The following PIP5K1B variants were observed in gnomAD, a reference collection of about 807,000 sequenced individuals.
PIP5K1B encodes phosphatidylinositol 4-phosphate 5-kinase type-1 beta.
PIP5K1B carries 42 observed loss-of-function variants against 67.0 expected under a neutral mutation model. The ratio of observed to expected loss-of-function variants is 0.63; its 90% confidence interval spans 0.49 to 0.81. PIP5K1B has a LOEUF of 0.81. Among genes scored for constraint, PIP5K1B ranks in the 30% least tolerant of loss-of-function variants. The probability of loss-of-function intolerance (pLI) is 0.00; values close to 1 mark genes in which losing one functional copy is unlikely to be tolerated. For synonymous variants in PIP5K1B, 214 were observed against 231.4 expected, an observed-to-expected ratio of 0.92 and a Z score of 0.68; for missense variants, 459 against 646.3, an observed-to-expected ratio of 0.71 and a Z score of 3.14.
chr9:68,904,171 T>C (rs968793459), intron 8 of PIP5K1B, among the ~76,000 whole-genome samples: 2 of 152,238 alleles, frequency 1.3e-5, no homozygotes, highest in African/African-American at 2.4e-5. Flanking sequence ...TCTCTCTGAC[T>C]CCAAACCCAT....
At chr9:68,772,916 T>G (rs1315292953) in intron 2 of PIP5K1B, among the ~76,000 whole-genome samples, 1 of 152,190 alleles carries the variant, frequency 6.6e-6, no homozygotes, top group African/African-American at 2.4e-5. Flanking sequence ...GGCCCTTTAC[T>G]GTTTGCAAGG....
intron 1 of PIP5K1B, among the ~76,000 whole-genome samples, chr9:68,728,486 T>A (rs1828257884): frequency 6.6e-6 from 1 of 152,006 alleles, no homozygotes; most frequent in Non-Finnish European, 1.5e-5. Context: ...GATTCCAATA[T>A]ATGAATTTAT....
intron 8 of PIP5K1B, among the ~76,000 whole-genome samples, chr9:68,909,229 A>G (rs1184553424): frequency 1.3e-5 from 2 of 152,210 alleles, no homozygotes; most frequent in African/African-American, 4.8e-5. Context: ...AAATATTGTA[A>G]TGAATCCACA....
chr9:68,780,340 GGCGGAACA>G lies in PIP5K1B; in HGVS notation c.-86+37686_-86+37693del, dbSNP rs1279440207. On this transcript the variant is annotated intron_variant, in intron 2 of 15. Coordinates refer to ENST00000265382, the MANE Select transcript of PIP5K1B (RefSeq NM_003558.4). The stretch of plus-strand genomic sequence containing the variant: ...TTCCAGGCCGAGGCGCCGAGCGCCA[GGCGGAACA>G]GCACAACGTTCCCGAGCCGCCACGG... The G allele has an allele frequency of 3.7e-6, 6 of 1,608,966 alleles. No homozygotes were observed. The Admixed American group carries it at 1.0e-4, about 27-fold the overall frequency.
At chr9:68,828,238 C>T (rs777951262) in intron 4 of PIP5K1B, among the ~76,000 whole-genome samples, 12 of 152,230 alleles carry the variant, frequency 7.9e-5, no homozygotes, top group African/African-American at 1.2e-4. Context: ...CTGGGCCTGC[C>T]CACAATAGGC....
chr9:68,860,333 A>G (rs969093736), intron 4 of PIP5K1B, among the ~76,000 whole-genome samples: 6 of 152,116 alleles, frequency 3.9e-5, no homozygotes, highest in Non-Finnish European at 8.8e-5. Context: ...AGACCTGGGG[A>G]GGAGGAAACT....
chr9:68,876,127 G>A (rs1823883336), intron 5 of PIP5K1B, among the ~76,000 whole-genome samples: 1 of 152,168 alleles, frequency 6.6e-6, no homozygotes, highest in African/African-American at 2.4e-5. Context: ...TTGAGGAATG[G>A]AAATCAGGTT....
chr9:68,909,915 T>G (rs1213659630), intron 8 of PIP5K1B, among the ~76,000 whole-genome samples: 1 of 152,174 alleles, frequency 6.6e-6, no homozygotes, highest in Non-Finnish European at 1.5e-5. Flanking sequence ...ACAAAGGAAT[T>G]TTAAACAAAA....
At chr9:68,807,226 T>A (rs950476760) in intron 2 of PIP5K1B, among the ~76,000 whole-genome samples, 12 of 152,194 alleles carry the variant, frequency 7.9e-5, no homozygotes, top group African/African-American at 2.7e-4. Context: ...ACCCTCCTCA[T>A]TGAAGAATAG....
intron 11 of PIP5K1B, among the ~76,000 whole-genome samples, chr9:68,920,284 CAGAG>C (rs1348762877): frequency 6.6e-6 from 1 of 150,404 alleles, no homozygotes; most frequent in Non-Finnish European, 1.5e-5. Context: ...AACAAATACA[CAGAG>C]AAAGTGAAAA....
At chr9:68,940,455 G>C (rs1827500928) in intron 13 of PIP5K1B, among the ~76,000 whole-genome samples, 191 bp from the exon 14 acceptor site, 1 of 151,874 alleles carries the variant, frequency 6.6e-6, no homozygotes, top group Non-Finnish European at 1.5e-5. Context: ...TTTCCTTCCT[G>C]TTTAACCTGT....
intron 1 of PIP5K1B, chr9:68,740,031 C>T (rs921498933): frequency 2.6e-5 from 4 of 152,404 alleles, no homozygotes; most frequent in Admixed American, 2.6e-4. Context: ...GTGGCCATTC[C>T]TTCCTGCTAC....
chr9:68,965,930 T>C (rs571556649), intron 14 of PIP5K1B, among the ~76,000 whole-genome samples: 5 of 143,334 alleles, frequency 3.5e-5, no homozygotes, highest in Admixed American at 2.2e-4. Flanking sequence ...GCTGAGATTG[T>C]GCCACTGCAC....
chr9:68,923,402 A>AT lies in PIP5K1B; in HGVS notation c.1201+27dup, dbSNP rs768994126. On this transcript the variant is annotated intron_variant, in intron 12 of 15. Transcript: ENST00000265382. ...AAAATTCAAGGTAAGATTCTTATGA[A>AT]TTTTTTTTTTTACTTTTAGCAGCTA... 9.8e-3 allele frequency: 11,490 copies of AT among 1,168,204 alleles called. 25 individuals carry two copies. The highest frequency in any genetic ancestry group is 0.033 in the African/African-American group (2,051 of 63,082). The allele number at this position is 1,168,204 out of a possible 1,614,324, so 72.4% of individuals were successfully genotyped here.
At chr9:68,771,100 G>C (rs1160071773) in intron 2 of PIP5K1B, among the ~76,000 whole-genome samples, 1 of 152,130 alleles carries the variant, frequency 6.6e-6, no homozygotes, top group African/African-American at 2.4e-5. Context: ...AAGCATCCTA[G>C]CTCTCTCGGA....
chr9:68,997,005 G>A (rs1278418104), intron 15 of PIP5K1B, among the ~76,000 whole-genome samples: 3 of 152,208 alleles, frequency 2.0e-5, no homozygotes, highest in African/African-American at 7.2e-5. Context: ...TGTGAGCAAA[G>A]GAGAAGAAAC....
Position 68,732,480 on chromosome 9 carries a change from C to G in PIP5K1B, c.-242-10021C>G, listed in dbSNP as rs147480222. Among the ~76,000 whole-genome samples, 424 of 152,248 alleles carry G rather than the reference C, an allele frequency of 2.8e-3. 2 individuals are homozygous for G. The highest frequency in any genetic ancestry group is 9.9e-3 in the African/African-American group (411 of 41,522). On this transcript the variant is annotated intron_variant, in intron 1 of 15. Coordinates refer to ENST00000265382, the MANE Select transcript of PIP5K1B (RefSeq NM_003558.4). ...TTCCCACGTCTAACTTGTACTCTCC[C>G]GGTGTTAGGGATCAACCACAGCATG...
At chr9:68,748,831 C>G (rs1829467977) in intron 2 of PIP5K1B, among the ~76,000 whole-genome samples, 1 of 152,004 alleles carries the variant, frequency 6.6e-6, no homozygotes, top group African/African-American at 2.4e-5. Context: ...AGGCTGGTCT[C>G]GAACTCCCGA....
chr9:68,733,010 A>G (rs1470589262), intron 1 of PIP5K1B, among the ~76,000 whole-genome samples: 1 of 152,110 alleles, frequency 6.6e-6, no homozygotes, highest in Non-Finnish European at 1.5e-5. Context: ...TTGCACATCC[A>G]TTGAATTTTG....
Sources: allele counts gnomAD v4.1 joint callset (sites outside exome capture counted in the v4.1 genomes callset), GRCh38; gene constraint gnomAD v4.1.1; transcripts MANE v1.5; gene names NCBI Gene and HGNC (gene_info 2026-07-23, HGNC 2026-07-21).